The following DLG2 variants were observed in gnomAD, a reference collection of about 807,000 sequenced individuals.
DLG2 encodes disks large homolog 2.
Under a neutral mutation model 132.5 loss-of-function variants are expected in DLG2, and 45 were observed. That is an observed-to-expected ratio of 0.34 (90% CI 0.27 to 0.44). The LOEUF is 0.44. DLG2 is among the 20% of genes least tolerant of loss of function. DLG2 has a pLI of 1.00. For synonymous variants in DLG2, 424 were observed against 419.6 expected, an observed-to-expected ratio of 1.01 and a Z score of -0.13; for missense variants, 1,045 against 1,196.9, an observed-to-expected ratio of 0.87 and a Z score of 1.87.
At chr11:84,148,797 GCT>G (rs2095185053) in intron 9 of DLG2, among the ~76,000 whole-genome samples, 2 of 152,220 alleles carry the variant, frequency 1.3e-5, no homozygotes, top group South Asian at 4.1e-4. Flanking sequence ...TCTCCAAACT[GCT>G]CTTCACGGTG....
intron 19 of DLG2, among the ~76,000 whole-genome samples, chr11:83,546,789 G>C (rs574062275): frequency 6.6e-6 from 1 of 152,052 alleles, no homozygotes; most frequent in African/African-American, 2.4e-5. Context: ...GTGATACTAT[G>C]GACTAGCCTG....
intron 9 of DLG2, among the ~76,000 whole-genome samples, chr11:84,110,253 A>G (rs2093265329): frequency 6.6e-6 from 1 of 152,184 alleles, no homozygotes; most frequent in Non-Finnish European, 1.5e-5. Flanking sequence ...TTGAGAACGT[A>G]TCTCATCTAA....
chr11:83,914,975 T>C (rs1172192324), intron 15 of DLG2, among the ~76,000 whole-genome samples: 2 of 152,026 alleles, frequency 1.3e-5, no homozygotes, highest in Non-Finnish European at 2.9e-5. Flanking sequence ...AAGGAATCAC[T>C]GGGTGAAACA....
At chr11:83,857,844 C>T (rs946290517) in intron 16 of DLG2, among the ~76,000 whole-genome samples, 3 of 150,084 alleles carry the variant, frequency 2.0e-5, no homozygotes, top group Non-Finnish European at 4.4e-5. Flanking sequence ...TATGAACCTA[C>T]AGCTGCTCTG....
chr11:85,410,889 C>T (rs2089251803), intron 3 of DLG2, among the ~76,000 whole-genome samples: 1 of 151,716 alleles, frequency 6.6e-6, no homozygotes, highest in South Asian at 2.1e-4. Context: ...TGGAGTAGGT[C>T]GATGCTCATT....
chr11:83,569,838 C>T (rs1264791194), intron 19 of DLG2, among the ~76,000 whole-genome samples: 2 of 152,208 alleles, frequency 1.3e-5, no homozygotes, highest in African/African-American at 2.4e-5. Flanking sequence ...ACTCAGCAAG[C>T]CAGTCAGAAA....
chr11:84,225,062 G>A (rs2096970856), intron 8 of DLG2, among the ~76,000 whole-genome samples: 1 of 152,090 alleles, frequency 6.6e-6, no homozygotes. Flanking sequence ...ACCATACTAA[G>A]TTTTGTTGGT....
At chr11:85,207,691 A>G (rs1183579438) in intron 4 of DLG2, among the ~76,000 whole-genome samples, 9 of 152,122 alleles carry the variant, frequency 5.9e-5, no homozygotes. Context: ...GAAAGCTTAT[A>G]TATCCAAAAA....
In DLG2 at chr11:84,592,980, A is replaced by G. The variant is rs2099547447; in HGVS notation, c.358-58249T>C. On this transcript the variant is annotated intron_variant, in intron 6 of 27. Coordinates refer to ENST00000376104, the MANE Select transcript of DLG2 (RefSeq NM_001142699.3). Reference sequence around the variant, plus strand: ...AAAAAAAAAAAAAAAAAAGTTGGGCATGGTGGTGGGCACCTGTAGTCCCAG... The same window carrying G: ...AAAAAAAAAAAAAAAAAAGTTGGGCGTGGTGGTGGGCACCTGTAGTCCCAG... Among the ~76,000 whole-genome samples, 7 of 122,448 alleles carry G rather than the reference A, an allele frequency of 5.7e-5. No homozygotes were observed. The South Asian group carries it at 2.2e-3, about 38-fold the overall frequency. The allele number at this position is 122,448 out of a possible 152,430, so 80.3% of individuals were successfully genotyped here.
intron 6 of DLG2, among the ~76,000 whole-genome samples, chr11:84,949,147 G>A (rs903528238): frequency 1.3e-5 from 2 of 152,136 alleles, no homozygotes; most frequent in African/African-American, 2.4e-5. Context: ...GCATCCGGGG[G>A]AGACATCACA....
At chr11:84,981,740 T>C (rs547492613) in intron 6 of DLG2, among the ~76,000 whole-genome samples, 27 of 152,166 alleles carry the variant, frequency 1.8e-4, no homozygotes, top group Non-Finnish European at 3.7e-4. Context: ...CCTCACCCAG[T>C]TACTGCCCTG....
At chr11:84,063,483 C>T (rs1039567698) in intron 10 of DLG2, among the ~76,000 whole-genome samples, 1 of 152,012 alleles carries the variant, frequency 6.6e-6, no homozygotes, top group African/African-American at 2.4e-5. Context: ...ATTTGTTCTA[C>T]TTTGACAATA....
chr11:83,982,146 T>A (rs547818474), intron 11 of DLG2, among the ~76,000 whole-genome samples: 1 of 152,320 alleles, frequency 6.6e-6, no homozygotes, highest in East Asian at 1.9e-4. Flanking sequence ...TAATACTTGA[T>A]AATGATAATA....
At chr11:84,420,814 G>T (rs1468711550) in intron 7 of DLG2, among the ~76,000 whole-genome samples, 1 of 151,280 alleles carries the variant, frequency 6.6e-6, no homozygotes, top group Admixed American at 6.6e-5. Flanking sequence ...GACTACAGGC[G>T]TGCGCCACCA....
intron 6 of DLG2, among the ~76,000 whole-genome samples, chr11:84,657,606 A>G (rs2099689758): frequency 6.6e-6 from 1 of 152,070 alleles, no homozygotes; most frequent in Non-Finnish European, 1.5e-5. Context: ...GAAGTACACA[A>G]CCTAGATCCC....
chr11:84,093,349 A>T (rs556438817), intron 10 of DLG2, among the ~76,000 whole-genome samples: 11 of 152,292 alleles, frequency 7.2e-5, no homozygotes, highest in African/African-American at 2.6e-4. Flanking sequence ...CTGCTCCTAG[A>T]GACCATTCTC....
chr11:85,177,527 G>C (rs1428596669), intron 4 of DLG2, among the ~76,000 whole-genome samples: 3 of 151,990 alleles, frequency 2.0e-5, no homozygotes, highest in Non-Finnish European at 4.4e-5. Context: ...ACAGTGGGTG[G>C]CAGAGTGAGG....
chr11:83,715,452 G>A (rs2086471679), intron 18 of DLG2, among the ~76,000 whole-genome samples: 1 of 152,154 alleles, frequency 6.6e-6, no homozygotes, highest in African/African-American at 2.4e-5. Flanking sequence ...TAATCTTAGA[G>A]TTTTCCACAC....
At chr11:84,042,862 A>C (rs1163694882) in intron 11 of DLG2, among the ~76,000 whole-genome samples, 1 of 151,806 alleles carries the variant, frequency 6.6e-6, no homozygotes, top group East Asian at 1.9e-4. Flanking sequence ...GGGAAAAACA[A>C]CACATACTGG....
Sources: gnomAD v4.1 joint callset for allele counts (sites outside exome capture counted in the v4.1 genomes callset) on GRCh38, gnomAD v4.1.1 for gene constraint, MANE v1.5 for transcripts, NCBI Gene and HGNC (gene_info 2026-07-23, HGNC 2026-07-21) for gene names.